The following DDAH1 variants were observed in gnomAD, a reference collection of about 807,000 sequenced individuals.
DDAH1 encodes the protein dimethylarginine dimethylaminohydrolase 1, also known as N(G),N(G)-dimethylarginine dimethylaminohydrolase 1.
Under a neutral mutation model 28.8 loss-of-function variants are expected in DDAH1, and 19 were observed. The ratio of observed to expected loss-of-function variants is 0.66; its 90% CI spans 0.46 to 0.97. The LOEUF (loss-of-function observed/expected upper bound fraction) is 0.97. DDAH1 is among the 50% of genes least tolerant of loss of function. The pLI, the probability that DDAH1 is intolerant of heterozygous loss-of-function variation, is 0.00. For synonymous variants in DDAH1, 153 were observed against 154.4 expected (o/e 0.99, Z 0.07); for missense variants, 326 against 375.9 (o/e 0.87, Z 1.10).
At chr1:85,562,689 G>T (rs1659173699) in intron 1 of DDAH1, among the ~76,000 whole-genome samples, 1 of 152,190 alleles carries the variant, frequency 6.6e-6, no homozygotes, top group Admixed American at 6.5e-5. Flanking sequence ...ACTGAGAACT[G>T]CTGGAAGCCA....
Position 85,575,920 on chromosome 1 carries a change from G to C in DDAH1, c.-123+2064C>G, listed in dbSNP as rs548406426. On this transcript the variant is annotated intron_variant, in intron 1 of 6. Coordinates refer to the DDAH1 transcript ENST00000426972. ...ACACTGGGGCCTGTTGTGGGGTCAG[G>C]GGAGAGGGGAGGGATAGCATTAGGA... The C allele has an allele frequency of 6.5e-4, 99 of 152,230 alleles. 1 individual carries two copies. The highest frequency in any genetic ancestry group is 2.4e-3 in the African/African-American group (98 of 41,528). The allele number at this position is 152,230 out of a possible 1,614,324, so 9.4% of individuals were successfully genotyped here.
At chr1:85,368,252 C>G (rs1181109539) in intron 1 of DDAH1, among the ~76,000 whole-genome samples, 3 of 152,196 alleles carry the variant, frequency 2.0e-5, no homozygotes, top group African/African-American at 7.2e-5. Context: ...CTCTTCATCT[C>G]TGAACCAGTG....
intron 1 of DDAH1, among the ~76,000 whole-genome samples, chr1:85,376,467 T>A (rs958177505): frequency 1.3e-5 from 2 of 152,196 alleles, no homozygotes; most frequent in Non-Finnish European, 2.9e-5. Context: ...AAATTCTATA[T>A]CCATCTTAGA....
At chr1:85,423,343 A>G (rs1653239111) in intron 1 of DDAH1, among the ~76,000 whole-genome samples, 1 of 152,200 alleles carries the variant, frequency 6.6e-6, no homozygotes, top group African/African-American at 2.4e-5. Context: ...AATCAAATCT[A>G]TAGGTGAAGA....
intron 4 of DDAH1, among the ~76,000 whole-genome samples, chr1:85,344,284 G>T (rs1403928360): frequency 6.6e-6 from 1 of 152,016 alleles, no homozygotes; most frequent in African/African-American, 2.4e-5. Context: ...GTCCACCAAA[G>T]AAAACTATAG....
At chr1:85,449,644 G>A (rs943391727) in intron 1 of DDAH1, among the ~76,000 whole-genome samples, 18 of 152,066 alleles carry the variant, frequency 1.2e-4, no homozygotes, top group Admixed American at 4.6e-4. Flanking sequence ...TGTTTATTGC[G>A]GGTGAAGGAT....
At position 85,350,342 on chromosome 1, in the gene DDAH1, A is replaced by C. The variant is rs78306718; in HGVS notation, c.597+73T>G. The C allele has an allele frequency of 4.0e-4, 618 of 1,562,548 alleles. 3 individuals are homozygous for C. In the African/African-American group the frequency reaches 7.4e-3, roughly 19 times the overall value. ...TGCCAACCCTGCTTGTTACTCCCCC[A>C]GCAGAGAGAATGTGAAAAACCCTGT... On this transcript the variant is annotated intron_variant, in intron 4 of 5. Transcript: ENST00000284031.
chr1:85,402,403 A>T (rs1652156632), intron 1 of DDAH1, among the ~76,000 whole-genome samples: 1 of 152,148 alleles, frequency 6.6e-6, no homozygotes, highest in Non-Finnish European at 1.5e-5. Context: ...AACTATAGCA[A>T]ATAAGGCTAC....
chr1:85,391,563 C>A (rs749961160), intron 1 of DDAH1, among the ~76,000 whole-genome samples: 1 of 152,132 alleles, frequency 6.6e-6, no homozygotes, highest in Non-Finnish European at 1.5e-5. Flanking sequence ...AACTAATACA[C>A]ATATTGGTGA....
intron 4 of DDAH1, among the ~76,000 whole-genome samples, chr1:85,350,191 G>C (rs1649117033): frequency 2.6e-5 from 4 of 151,946 alleles, no homozygotes. Flanking sequence ...AGGAAATCTG[G>C]TGTGTAACTA....
At chr1:85,382,165 G>A (rs1200522916) in intron 1 of DDAH1, among the ~76,000 whole-genome samples, 6 of 152,210 alleles carry the variant, frequency 3.9e-5, no homozygotes, top group African/African-American at 1.4e-4. Flanking sequence ...TGATTGTAAA[G>A]GAAGTTGAGT....
At chr1:85,428,558 A>G (rs1156554452) in intron 1 of DDAH1, among the ~76,000 whole-genome samples, 1 of 152,168 alleles carries the variant, frequency 6.6e-6, no homozygotes, top group Non-Finnish European at 1.5e-5. Context: ...GGGTGGGGAC[A>G]CAGCCAAACC....
intron 2 of DDAH1, among the ~76,000 whole-genome samples, chr1:85,480,122 G>T (rs1021947939): frequency 6.6e-6 from 1 of 152,098 alleles, no homozygotes; most frequent in East Asian, 1.9e-4. Context: ...CTGTCAGTAG[G>T]TAAAACTGTG....
intron 1 of DDAH1, among the ~76,000 whole-genome samples, chr1:85,384,244 G>A (rs1016547749): frequency 4.6e-5 from 7 of 152,004 alleles, no homozygotes; most frequent in African/African-American, 1.5e-4. Context: ...CCTCTTATGC[G>A]TGCACAGACA....
intron 1 of DDAH1, among the ~76,000 whole-genome samples, chr1:85,505,255 T>C (rs761836031): frequency 6.6e-6 from 1 of 152,010 alleles, no homozygotes; most frequent in Admixed American, 6.6e-5. Flanking sequence ...CCAAATATTA[T>C]GATAACCGTA....
intron 5 of DDAH1, among the ~76,000 whole-genome samples, 177 bp from the exon 6 acceptor site, chr1:85,321,745 G>A (rs1227049285): frequency 1.3e-5 from 2 of 152,176 alleles, no homozygotes; most frequent in Non-Finnish European, 2.9e-5. Context: ...GTGGGAACTG[G>A]TTAACCACTA....
intron 1 of DDAH1, among the ~76,000 whole-genome samples, chr1:85,458,319 A>G (rs1049612536): frequency 1.3e-5 from 2 of 151,756 alleles, no homozygotes; most frequent in African/African-American, 4.8e-5. Context: ...ATTCCTTTCT[A>G]TGTGATGCTA....
intron 1 of DDAH1, among the ~76,000 whole-genome samples, chr1:85,403,989 A>C (rs1652279112): frequency 6.6e-6 from 1 of 152,224 alleles, no homozygotes; most frequent in Non-Finnish European, 1.5e-5. Flanking sequence ...GACAATAAAC[A>C]CATTAGTACA....
chr1:85,483,846 T>C (rs1183986816), intron 2 of DDAH1, among the ~76,000 whole-genome samples: 1 of 152,168 alleles, frequency 6.6e-6, no homozygotes, highest in Non-Finnish European at 1.5e-5. Flanking sequence ...TCGCTCTGAT[T>C]GTAGAAGTCA....
Sources: gnomAD v4.1 joint callset for allele counts (sites outside exome capture counted in the v4.1 genomes callset) on GRCh38, gnomAD v4.1.1 for gene constraint, MANE v1.5 for transcripts, NCBI Gene and HGNC (gene_info 2026-07-23, HGNC 2026-07-21) for gene names.